CPSF4L: variants seen among roughly 807,000 people sequenced by gnomAD.
The protein encoded by CPSF4L is putative cleavage and polyadenylation specificity factor subunit 4-like protein.
CPSF4L carries 18 observed loss-of-function variants against 24.0 expected under a neutral mutation model. The ratio of observed to expected loss-of-function variants is 0.75; its 90% CI spans 0.52 to 1.11. The LOEUF (loss-of-function observed/expected upper bound fraction) is 1.11, where lower values mean the gene tolerates loss of function less well. Ranked by LOEUF, CPSF4L falls within the 50% of genes least tolerant of loss-of-function variation. The pLI is 0.00. For missense variants in CPSF4L, 211 were observed against 221.8 expected (o/e 0.95, Z 0.31); for synonymous variants, 72 against 77.2 (o/e 0.93, Z 0.35).
Position 73,252,810 on chromosome 17 carries a change from G to A in CPSF4L, c.404-87C>T, listed in dbSNP as rs374678176. 2.3e-3 allele frequency: 1,907 copies of A among 834,210 alleles called. 33 individuals carry two copies. The South Asian group carries it at 0.023, about 10-fold the overall frequency. 51.7% of individuals were successfully genotyped at this position (834,210 alleles called of 1,614,324 possible). On this transcript the variant is annotated intron_variant, in intron 4 of 5. Transcript: ENST00000344935. ...GAAAAAGCTCCCTAGGAAGGGTGTG[G>A]ATGGTCATAGGGGCTTCACTTAATA...
At chr17:73,242,293 T>G in the CPSF4L span, 23 of 1,608,036 alleles carry the variant, frequency 1.4e-5, no homozygotes, top group Non-Finnish European at 2.0e-5. Context: ...TGGAACCCCC[T>G]GCCGGACTTA....
the CPSF4L span, chr17:73,242,110 A>G: frequency 9.4e-6 from 5 of 533,356 alleles, no homozygotes; most frequent in East Asian, 3.2e-5. Context: ...CTGCAGTCCA[A>G]TGCAGAAATC....
At chr17:73,250,839 T>C (rs774610057) in intron 5 of CPSF4L, 4 of 623,236 alleles carry the variant, frequency 6.4e-6, no homozygotes, top group Non-Finnish European at 1.0e-5. Flanking sequence ...TGGTTTACAG[T>C]ATCCTCTCAT....
At chr17:73,244,983 G>A (rs1434445935), downstream of CPSF4L, among the ~76,000 whole-genome samples, 2 of 152,100 alleles carry the variant, frequency 1.3e-5, no homozygotes, top group African/African-American at 4.8e-5. Flanking sequence ...AGTCTGAAAG[G>A]GATTGTTTGA....
At chr17:73,258,261 C>T (rs1007422797) in intron 2 of CPSF4L, among the ~76,000 whole-genome samples, 7 of 152,028 alleles carry the variant, frequency 4.6e-5, no homozygotes, top group Non-Finnish European at 8.8e-5. Context: ...CTGCCCACCT[C>T]GGCCTCCCAA....
chr17:73,245,581 A>T, downstream of CPSF4L: 1 of 985,420 alleles, frequency 1.0e-6, no homozygotes. Context: ...CCAGACTACT[A>T]CCTATATGTT....
chr17:73,245,113 A>G (rs76830711), downstream of CPSF4L: 5,519 of 1,536,756 alleles, frequency 3.6e-3, 97 homozygotes, highest in East Asian at 0.031. Flanking sequence ...AAAGATAGTA[A>G]CAGTCATTGG....
intron 5 of CPSF4L, among the ~76,000 whole-genome samples, chr17:73,249,574 G>A (rs544993636): frequency 1.3e-5 from 2 of 152,074 alleles, no homozygotes; most frequent in Non-Finnish European, 2.9e-5. Flanking sequence ...TTACCAAGGT[G>A]GGGGGCCAGT....
At chr17:73,245,975 G>C (rs1275718596), downstream of CPSF4L, among the ~76,000 whole-genome samples, 1 of 152,062 alleles carries the variant, frequency 6.6e-6, no homozygotes, top group Non-Finnish European at 1.5e-5. Context: ...TGGGTTTTCT[G>C]TGTCTCTTCA....
intron 3 of CPSF4L, among the ~76,000 whole-genome samples, chr17:73,254,480 C>A (rs954991024): frequency 6.6e-6 from 1 of 152,160 alleles, no homozygotes; most frequent in Non-Finnish European, 1.5e-5. Context: ...AAAGCAGAGC[C>A]CTGCTCAAGG....
upstream of CPSF4L, among the ~76,000 whole-genome samples, chr17:73,263,022 A>G (rs1182418266): frequency 2.0e-5 from 3 of 152,178 alleles, no homozygotes; most frequent in African/African-American, 7.2e-5. Context: ...GAGTTTCCAG[A>G]AGCTCAGGCC....
At chr17:73,260,817 C>T (rs1486946636) in intron 2 of CPSF4L, 116 bp downstream of exon 2, 3 of 651,928 alleles carry the variant, frequency 4.6e-6, no homozygotes, top group Non-Finnish European at 7.8e-6. Flanking sequence ...CCAATTTTCC[C>T]TCCCCAGGTG....
chr17:73,248,033 G>A (rs1950581877), downstream of CPSF4L: 1 of 157,374 alleles, frequency 6.4e-6, no homozygotes, highest in African/African-American at 2.4e-5. Flanking sequence ...TAAACTGATA[G>A]CTGATTATTT....
At chr17:73,252,325 A>G (rs997413122) in intron 5 of CPSF4L, among the ~76,000 whole-genome samples, 7 of 152,218 alleles carry the variant, frequency 4.6e-5, no homozygotes, top group Non-Finnish European at 8.8e-5. Context: ...GCCCTCCCTT[A>G]GCCAGGGCGT....
At chr17:73,259,914 C>G (rs2062038975) in intron 2 of CPSF4L, among the ~76,000 whole-genome samples, 1 of 152,168 alleles carries the variant, frequency 6.6e-6, no homozygotes, top group African/African-American at 2.4e-5. Flanking sequence ...AACCCTAAAA[C>G]TGGAAGCCAG....
At chr17:73,247,279 C>G (rs752894881), downstream of CPSF4L, 1 of 1,614,180 alleles carries the variant, frequency 6.2e-7, no homozygotes, top group Non-Finnish European at 8.5e-7. Flanking sequence ...GAGCACAGTA[C>G]CTCCATGCAT....
Position 73,257,715 on chromosome 17 carries a change from G to C in CPSF4L, c.273C>G (p.Thr91=). 6.4e-7 allele frequency: 1 copy of C among 1,551,714 alleles called. No individual in the cohort carries two copies. Residue 91 remains threonine (T), a synonymous_variant, in exon 3 of 6, where the codon ACC becomes ACG. Coordinates refer to ENST00000344935, the MANE Select transcript of CPSF4L (RefSeq NM_001129885.1). ...HCKFLHQYDL[T]RMPECYFYSK... ...AGTAGAAGTAGCACTCAGGCATCCT[G>C]GTGAGGTCATACTGGTGCAGGAACT...
intron 5 of CPSF4L, chr17:73,250,037 G>C (rs947021389): frequency 2.1e-6 from 1 of 469,306 alleles, no homozygotes; most frequent in Admixed American, 4.0e-5. Flanking sequence ...TGGATAACTC[G>C]TTCCTGCCAA....
intron 3 of CPSF4L, among the ~76,000 whole-genome samples, chr17:73,257,361 G>C (rs1322026649): frequency 6.6e-6 from 1 of 151,942 alleles, no homozygotes; most frequent in East Asian, 1.9e-4. Context: ...CCTGAGAGAT[G>C]GCTCATTTGA....
Sources: allele counts gnomAD v4.1 joint callset (sites outside exome capture counted in the v4.1 genomes callset), GRCh38; gene constraint gnomAD v4.1.1; transcripts MANE v1.5; gene names NCBI Gene and HGNC (gene_info 2026-07-23, HGNC 2026-07-21).